Variants in FLNB observed in about 807,000 individuals in gnomAD.
FLNB encodes the protein filamin-B.
Under a neutral mutation model 250.6 loss-of-function variants are expected in FLNB, and 111 were observed. The observed-to-expected ratio is 0.44, with a 90% CI of 0.38 to 0.52. FLNB has a LOEUF of 0.52. FLNB is among the 20% of genes least tolerant of loss of function. FLNB has a pLI of 0.00. For synonymous variants in FLNB, 1,302 were observed against 1,372.1 expected (o/e 0.95, Z 1.13); for missense variants, 2,869 against 3,447.8 (o/e 0.83, Z 4.20).
In FLNB at chr3:58,123,707, A is replaced by T; in HGVS notation, c.3724+17A>T. On this transcript the variant is annotated intron_variant, in intron 21 of 45. Transcript: ENST00000295956. ...AAGGGAAAGGTGGGTTTCATTTAAAAAAAAAAAAAAAAAAAAAAAGACAAG... is the reference window on the plus strand; with the variant it reads ...AAGGGAAAGGTGGGTTTCATTTAAATAAAAAAAAAAAAAAAAAAAGACAAG... The T allele has an allele frequency of 7.9e-7, 1 of 1,273,418 alleles. No homozygotes were observed. The highest frequency in any genetic ancestry group is 1.6e-5 in the South Asian group (1 of 61,524). The allele number at this position is 1,273,418 out of a possible 1,614,324, so 78.9% of individuals were successfully genotyped here.
intron 1 of FLNB, among the ~76,000 whole-genome samples, chr3:58,053,185 C>T (rs1462053207): frequency 6.6e-6 from 1 of 152,058 alleles, no homozygotes; most frequent in East Asian, 1.9e-4. Context: ...ACAGTCTAGC[C>T]CTTAAAAAAT....
In FLNB at chr3:58,159,591, C is replaced by T; in HGVS notation, c.6926C>T (p.Ala2309Val). Residue 2309 changes from alanine (A) to valine (V), a missense_variant, in exon 42 of 46, where the codon GCT becomes GTT. Ala to Val is a moderately conservative substitution (Grantham distance 64, BLOSUM62 0). This residue lies in a region of FLNB where 1,084 missense variants were observed against 1,315.5 expected (regional missense o/e 0.82). Coordinates refer to ENST00000295956, the MANE Select transcript of FLNB (RefSeq NM_001457.4). ...GLKVNQPASF[A>V]IRLNGAKGKI... ...AAAGTTAACCAGCCAGCATCCTTTG[C>T]TATAAGGTTGAATGGCGCAAAAGGC... The T allele has an allele frequency of 6.2e-7, 1 of 1,614,070 alleles. No homozygotes were observed. Among genetic ancestry groups the T allele is most frequent in the South Asian group, 1.1e-5 (1 of 91,078 alleles).
At chr3:58,150,074 C>G in intron 37 of FLNB, 31 bp from the exon 38 acceptor site, 1 of 1,614,272 alleles carries the variant, frequency 6.2e-7, no homozygotes, top group Non-Finnish European at 8.5e-7. Flanking sequence ...GGCCTCTGGC[C>G]TGCTCACAGG....
Position 58,171,221 on chromosome 3 carries a change from C to T in FLNB, c.*459C>T, listed in dbSNP as rs2097381956. The stretch of plus-strand genomic sequence containing the variant: ...AGATGACTTAAAATCCGCTTAATCT[C>T]TTCCAGTGTCCGTGTTAATGTATTT... On this transcript the variant is annotated 3_prime_UTR_variant, in exon 46 of 46. Transcript: ENST00000295956. The surrounding 1 kb of genome is among the most constrained non-coding windows in gnomAD (Gnocchi z 5.5). 4.7e-6 allele frequency: 1 copy of T among 213,830 alleles called. No individual in the cohort carries two copies. The highest frequency in any genetic ancestry group is 9.4e-6 in the Non-Finnish European group (1 of 106,496). 13.2% of individuals were successfully genotyped at this position (213,830 alleles called of 1,614,324 possible).
chr3:58,014,210 C>T lies in FLNB; in HGVS notation c.292+5354C>T, dbSNP rs1187074087. 2.6e-5 allele frequency among the ~76,000 whole-genome samples: 4 copies of T among 152,342 alleles called. No homozygotes were observed. In the East Asian group the frequency reaches 7.7e-4, roughly 29 times the overall value. ...TGAAAGGGCATTTGAAATCAGCGCG[C>T]TCTGGGGAGAACAGCTTGGTTGGCT... On this transcript the variant is annotated intron_variant, in intron 1 of 45. Transcript: ENST00000295956.
chr3:58,039,848 G>A (rs532126840), intron 1 of FLNB, among the ~76,000 whole-genome samples: 1 of 152,056 alleles, frequency 6.6e-6, no homozygotes, highest in Non-Finnish European at 1.5e-5. Context: ...GAAGAGATGC[G>A]CAAAACTAAG....
chr3:58,080,039 A>C (rs1322779039), intron 3 of FLNB, among the ~76,000 whole-genome samples: 1 of 152,158 alleles, frequency 6.6e-6, no homozygotes. Context: ...GCTTAAACCT[A>C]AACCGTCTCC....
intron 18 of FLNB, among the ~76,000 whole-genome samples, chr3:58,115,855 G>A (rs2097276953): frequency 6.6e-6 from 1 of 152,156 alleles, no homozygotes; most frequent in African/African-American, 2.4e-5. Flanking sequence ...TGACTTGCAG[G>A]GTGGCACTGG....
chr3:58,038,741 C>T (rs2106789866), intron 1 of FLNB, among the ~76,000 whole-genome samples: 1 of 152,116 alleles, frequency 6.6e-6, no homozygotes, highest in East Asian at 1.9e-4. Flanking sequence ...TTTTAAAGTT[C>T]TGCCCATGCA....
At chr3:58,020,133 G>T (rs1237797190) in intron 1 of FLNB, among the ~76,000 whole-genome samples, 1 of 151,228 alleles carries the variant, frequency 6.6e-6, no homozygotes, top group Non-Finnish European at 1.5e-5. Context: ...TATGCCAGGA[G>T]ATCCTTGGTG....
intron 45 of FLNB, 50 bp from the exon 46 acceptor site, chr3:58,170,525 T>G: frequency 6.3e-7 from 1 of 1,575,188 alleles, no homozygotes; most frequent in South Asian, 1.1e-5. Context: ...CTCTTCTTCC[T>G]GTGCCTGTCC....
Position 58,172,076 on chromosome 3 carries a change from G to A in FLNB, c.*1314G>A, listed in dbSNP as rs1221927852. The A allele has an allele frequency of 6.6e-6, 1 of 152,226 alleles. No homozygotes were observed. Among genetic ancestry groups the A allele is most frequent in the Admixed American group, 6.5e-5 (1 of 15,280 alleles). The allele number at this position is 152,226 out of a possible 1,614,324, so 9.4% of individuals were successfully genotyped here. On this transcript the variant is annotated 3_prime_UTR_variant, in exon 46 of 46. Coordinates refer to ENST00000295956, the MANE Select transcript of FLNB (RefSeq NM_001457.4). ...AGTGGCCACTCTTGTGGCAGGTGTA[G>A]TATCTGGGGCGAGTGTTGGGGGTAA...
At chr3:58,078,897 C>T (rs2097205267) in intron 3 of FLNB, 83 bp downstream of exon 3, 18 of 982,646 alleles carry the variant, frequency 1.8e-5, no homozygotes, top group South Asian at 5.5e-5. Flanking sequence ...TCAGGCAGCC[C>T]GACCTTCTTG....
intron 1 of FLNB, among the ~76,000 whole-genome samples, chr3:58,063,913 G>A (rs561351933): frequency 6.6e-6 from 1 of 151,710 alleles, no homozygotes; most frequent in African/African-American, 2.4e-5. Context: ...TTATAAAAGG[G>A]GAAAAAACTC....
chr3:58,064,313 G>A (rs937025418), intron 1 of FLNB, among the ~76,000 whole-genome samples: 4 of 152,060 alleles, frequency 2.6e-5, no homozygotes, highest in Admixed American at 6.6e-5. Context: ...ACTAATTTTC[G>A]TATTTTTAGT....
chr3:58,119,211 G>A (rs998080031), intron 19 of FLNB, among the ~76,000 whole-genome samples: 8 of 152,058 alleles, frequency 5.3e-5, no homozygotes, highest in African/African-American at 1.4e-4. Context: ...TTTGTACAGT[G>A]GGGGGTGGTC....
rs568712934 is a variant in FLNB, at chr3:58,044,007, C to A, written c.293-33039C>A. ...TTGTCCCTTCCCTCTGTAGAGGAGTCCTGCTATCACTGCAGGCAACGGGGC... is the reference window on the plus strand; with the variant it reads ...TTGTCCCTTCCCTCTGTAGAGGAGTACTGCTATCACTGCAGGCAACGGGGC... On this transcript the variant is annotated intron_variant, in intron 1 of 45. Coordinates refer to ENST00000295956, the MANE Select transcript of FLNB (RefSeq NM_001457.4). Among the ~76,000 whole-genome samples, 6 of 152,312 alleles carry A rather than the reference C, an allele frequency of 3.9e-5. No homozygotes were observed. In the South Asian group the frequency reaches 1.2e-3, roughly 32 times the overall value.
chr3:58,136,820 C>T (rs750649051), intron 28 of FLNB, among the ~76,000 whole-genome samples: 34 of 130,988 alleles, frequency 2.6e-4, no homozygotes, highest in Non-Finnish European at 4.0e-4. Context: ...GACGCAATCT[C>T]AGCTCACTGC....
rs1173769273 is a variant in FLNB, at chr3:58,142,506, C to A, written c.5182-144C>A. ...TACCCTGGGTCTGGAGCCACTTAGA[C>A]AAAGCCCATACCACAATGGGCAGCC... On this transcript the variant is annotated intron_variant, in intron 30 of 45. Transcript: ENST00000295956. This position sits in a 1 kb window ranked among gnomAD's most constrained non-coding sequence, Gnocchi z 4.3. The A allele has an allele frequency of 1.1e-5, 8 of 727,072 alleles. No homozygotes were observed. Among genetic ancestry groups the A allele is most frequent in the Non-Finnish European group, 1.9e-5 (8 of 415,112 alleles). 45.0% of individuals were successfully genotyped at this position (727,072 alleles called of 1,614,324 possible).
Sources: gnomAD v4.1 joint callset for allele counts (sites outside exome capture counted in the v4.1 genomes callset) on GRCh38, gnomAD v4.1.1 for gene constraint, gnomAD v4.1.1 regional missense constraint, Gnocchi (gnomAD v3.1) non-coding constraint, MANE v1.5 for transcripts, NCBI Gene and HGNC (gene_info 2026-07-23, HGNC 2026-07-21) for gene names.